CDH23: variants seen among roughly 807,000 people sequenced by gnomAD.
CDH23 encodes the protein cadherin-23.
A neutral mutation model predicts 317.1 loss-of-function variants in CDH23; 189 were observed. The observed-to-expected ratio is 0.60, with a 90% CI of 0.53 to 0.67. The LOEUF (loss-of-function observed/expected upper bound fraction) is 0.67, where lower values mean the gene tolerates loss of function less well. CDH23 is among the 30% of genes least tolerant of loss of function. The pLI, the probability that CDH23 is intolerant of heterozygous loss-of-function variation, is 0.00. For missense variants in CDH23, 4,401 were observed against 4,592.4 expected, an observed-to-expected ratio of 0.96 and a Z score of 1.20; for synonymous variants, 1,839 against 1,876.8, an observed-to-expected ratio of 0.98 and a Z score of 0.52.
chr10:71,696,227 C>T (rs1250499063), intron 22 of CDH23, among the ~76,000 whole-genome samples: 3 of 152,208 alleles, frequency 2.0e-5, no homozygotes, highest in African/African-American at 7.2e-5. Context: ...CTTCTCCTCC[C>T]CCACCCTGTA....
intron 22 of CDH23, among the ~76,000 whole-genome samples, chr10:71,697,085 G>A (rs997032583): frequency 3.9e-5 from 6 of 152,244 alleles, no homozygotes; most frequent in Non-Finnish European, 7.3e-5. Context: ...GGAAAAGGGG[G>A]CTGCACAGGA....
chr10:71,420,527 A>ATGG (rs1564568851), intron 1 of CDH23, among the ~76,000 whole-genome samples: 7 of 15,422 alleles, frequency 4.5e-4, no homozygotes, highest in African/African-American at 2.2e-3. Context: ...GGTGAAGGTG[A>ATGG]TGATGATGAT....
chr10:71,783,480 C>G (rs1200311478), intron 41 of CDH23, among the ~76,000 whole-genome samples: 2 of 152,234 alleles, frequency 1.3e-5, no homozygotes, highest in African/African-American at 4.8e-5. Context: ...TAACCCTCCC[C>G]TGGGCTCCCA....
At chr10:71,627,517 C>G (rs1043768535) in intron 11 of CDH23, among the ~76,000 whole-genome samples, 1 of 152,202 alleles carries the variant, frequency 6.6e-6, no homozygotes, top group Non-Finnish European at 1.5e-5. Flanking sequence ...CTAATTTAGT[C>G]TCTTTGTAAA....
chr10:71,737,276 T>C (rs1167515039), intron 34 of CDH23, among the ~76,000 whole-genome samples: 2 of 152,206 alleles, frequency 1.3e-5, no homozygotes, highest in Admixed American at 6.5e-5. Flanking sequence ...GTGCCACCCC[T>C]TCACTTTCTG....
At chr10:71,621,515 G>A (rs1445487202) in intron 11 of CDH23, among the ~76,000 whole-genome samples, 1 of 152,238 alleles carries the variant, frequency 6.6e-6, no homozygotes, top group African/African-American at 2.4e-5. Flanking sequence ...ATGAGCATTG[G>A]TTGAGTTAAT....
chr10:71,643,220 G>T (rs535191073), intron 11 of CDH23, among the ~76,000 whole-genome samples: 1 of 152,260 alleles, frequency 6.6e-6, no homozygotes, highest in Admixed American at 6.5e-5. Flanking sequence ...ACCCATAATG[G>T]TCATATAGGC....
At chr10:71,482,262 C>T (rs1852107858) in intron 3 of CDH23, among the ~76,000 whole-genome samples, 1 of 152,144 alleles carries the variant, frequency 6.6e-6, no homozygotes, top group South Asian at 2.1e-4. Flanking sequence ...CTTTCCCTCC[C>T]CTTCTCTCCT....
chr10:71,598,922 A>G (rs1341487162), intron 9 of CDH23, among the ~76,000 whole-genome samples: 1 of 152,208 alleles, frequency 6.6e-6, no homozygotes, highest in African/African-American at 2.4e-5. Flanking sequence ...GGCTTGGGAC[A>G]TAATATGACA....
At chr10:71,789,155 G>A (rs1317609898) in intron 45 of CDH23, 113 bp downstream of exon 45, 5 of 622,436 alleles carry the variant, frequency 8.0e-6, no homozygotes, top group Admixed American at 5.4e-5. Flanking sequence ...GACCCCAGTG[G>A]GTGCGGGAGG....
intron 1 of CDH23, among the ~76,000 whole-genome samples, chr10:71,437,122 G>C (rs1849657543): frequency 6.6e-6 from 1 of 152,228 alleles, no homozygotes; most frequent in African/African-American, 2.4e-5. Flanking sequence ...TTAAAAGAGA[G>C]ATCACTTCCA....
Position 71,506,904 on chromosome 10 carries a change from TG to T in CDH23, c.146-3176del, listed in dbSNP as rs369651670. 7.1e-3 allele frequency among the ~76,000 whole-genome samples: 1,074 copies of T among 152,110 alleles called. 17 individuals are homozygous for T. Among genetic ancestry groups the T allele is most frequent in the Middle Eastern group, 0.031 (9 of 294 alleles). ...GAGCAGCACATAATTGAGGGGAAAA[TG>T]GATAAAAGTCCGGGAAATTACAGGG... On this transcript the variant is annotated intron_variant, in intron 3 of 69. Coordinates refer to ENST00000224721, the MANE Select transcript of CDH23 (RefSeq NM_022124.6).
chr10:71,510,152 G>T lies in CDH23; in HGVS notation c.216G>T (p.Glu72Asp). The stretch of plus-strand genomic sequence containing the variant: ...CCCTGGTGTTTGGCGTGTCTGGGGA[G>T]GAGGCCTCTCGCTTCTTTGCAGTGG... ...NDPLVFGVSG[E>D]EASRFFAVEP... The change falls in exon 4 of 70, where the codon GAG (glutamate) becomes GAT (aspartate). Residue 72 changes from glutamate (E) to aspartate (D), a missense_variant. By Grantham distance (45) the Glu-to-Asp change is conservative. Coordinates refer to ENST00000224721, the MANE Select transcript of CDH23 (RefSeq NM_022124.6). The T allele has an allele frequency of 6.2e-7, 1 of 1,614,038 alleles. No individual in the cohort carries two copies. Among genetic ancestry groups the T allele is most frequent in the South Asian group, 1.1e-5 (1 of 91,088 alleles).
Position 71,803,376 on chromosome 10 carries a change from G to T in CDH23, c.7828G>T (p.Val2610Phe). 6.2e-7 allele frequency: 1 copy of T among 1,600,422 alleles called. No homozygotes were observed. The highest frequency in any genetic ancestry group is 1.7e-5 in the Admixed American group (1 of 58,604). ...EVIDVNDNRPVFVRPPNGTIL... is the reference protein window; with the variant it reads ...EVIDVNDNRPFFVRPPNGTIL... ...CATCGACGTCAATGACAACCGCCCTGTCTTTGTGCGCCCACCCAACGGCAC... is the reference window on the plus strand; with the variant it reads ...CATCGACGTCAATGACAACCGCCCTTTCTTTGTGCGCCCACCCAACGGCAC... Residue 2610 changes from valine (V) to phenylalanine (F), a missense_variant, in exon 55 of 70, where the codon GTC (valine) becomes TTC (phenylalanine). Around this residue, in one of 3 missense-constraint regions of CDH23, gnomAD observed 1,144 missense variants for 1,138.2 expected, o/e 1.01. Coordinates refer to ENST00000224721, the MANE Select transcript of CDH23 (RefSeq NM_022124.6).
intron 11 of CDH23, among the ~76,000 whole-genome samples, chr10:71,642,203 A>G (rs1042970830): frequency 3.3e-5 from 5 of 151,844 alleles, no homozygotes; most frequent in Admixed American, 6.6e-5. Context: ...TGGGCCCTGG[A>G]GCGCTCAGAT....
At chr10:71,734,408 A>G in intron 33 of CDH23, 67 bp downstream of exon 33, 3 of 1,510,640 alleles carry the variant, frequency 2.0e-6, no homozygotes, top group Non-Finnish European at 1.8e-6. Context: ...TTCCTAACCC[A>G]TGTCCTCGCC....
chr10:71,797,268 G>A (rs1841428862), intron 49 of CDH23, 48 bp downstream of exon 49: 2 of 1,313,736 alleles, frequency 1.5e-6, no homozygotes, highest in African/African-American at 1.5e-5. Flanking sequence ...GAGCCAATCA[G>A]GGCAGGGGGC....
intron 9 of CDH23, among the ~76,000 whole-genome samples, chr10:71,608,527 A>G (rs1860664322): frequency 6.6e-6 from 1 of 152,154 alleles, no homozygotes; most frequent in Non-Finnish European, 1.5e-5. Flanking sequence ...GGCCCCAAGT[A>G]TGCCGCTGCC....
rs80230554 is a variant in CDH23 at position 71,731,524 on chromosome 10, G to A, written c.3716-463G>A. On this transcript the variant is annotated intron_variant, in intron 31 of 69. Coordinates refer to ENST00000224721, the MANE Select transcript of CDH23 (RefSeq NM_022124.6). ...TTGTTTCAAGGCACAGGAATTTGGG[G>A]CGTAGGGAGTGGGGAGGATGGGGGA... 3.3e-5 allele frequency among the ~76,000 whole-genome samples: 5 copies of A among 152,324 alleles called. No individual in the cohort carries two copies. In the East Asian group the frequency reaches 7.7e-4, roughly 23 times the overall value.
Sources: gnomAD v4.1 joint callset for allele counts (sites outside exome capture counted in the v4.1 genomes callset) on GRCh38, gnomAD v4.1.1 for gene constraint, gnomAD v4.1.1 regional missense constraint, MANE v1.5 for transcripts, NCBI Gene and HGNC (gene_info 2026-07-23, HGNC 2026-07-21) for gene names.